The following ITGB4 variants were observed in gnomAD, a reference collection of about 807,000 sequenced individuals.
ITGB4 encodes the protein integrin subunit beta 4, also known as integrin beta-4.
In ITGB4, 159 loss-of-function variants were observed where a neutral mutation model predicts 207.6. The ratio of observed to expected loss-of-function variants is 0.77; its 90% CI spans 0.67 to 0.87. ITGB4 has a LOEUF of 0.87. Ranked by LOEUF, ITGB4 falls within the 40% of genes least tolerant of loss-of-function variation. ITGB4 has a pLI of 0.00. For synonymous variants in ITGB4, 1,020 were observed against 1,062.7 expected (o/e 0.96, Z 0.78); for missense variants, 2,278 against 2,546.8 (o/e 0.89, Z 2.27).
In ITGB4 at chr17:75,730,401, G is replaced by A. The variant is rs1382250690; in HGVS notation, c.899G>A (p.Arg300Lys). The change falls in exon 8 of 40, where the codon AGG becomes AAG. Residue 300 changes from arginine (R) to lysine (K), a missense_variant. Coordinates refer to ENST00000200181, the MANE Select transcript of ITGB4 (RefSeq NM_000213.5). ...ACCACGGGCACCTACACCCAGTACA[G>A]GACACAGGACTACCCGTCGGTGCCC... ...LDTTGTYTQY[R>K]TQDYPSVPTL... 1 of 1,614,040 alleles carries A rather than the reference G, an allele frequency of 6.2e-7. No individual in the cohort carries two copies. The highest frequency in any genetic ancestry group is 1.7e-5 in the Admixed American group (1 of 60,024).
At chr17:75,753,642 C>A (rs2061418752) in intron 32 of ITGB4, 123 bp from the exon 33 acceptor site, 3 of 602,552 alleles carry the variant, frequency 5.0e-6, no homozygotes, top group Non-Finnish European at 7.3e-6. Flanking sequence ...CCCCAACACA[C>A]ACCCCGGGAT....
chr17:75,728,520 G>A, intron 6 of ITGB4, 47 bp downstream of exon 6: 1 of 1,416,234 alleles, frequency 7.1e-7, no homozygotes, highest in Non-Finnish European at 1.0e-6. Context: ...TCCAGGCCAT[G>A]TGACCCCCAC....
chr17:75,754,710 T>C lies in ITGB4; in HGVS notation c.4453T>C (p.Ser1485Pro), dbSNP rs1568383633. The change falls in exon 34 of 40, where the codon TCC becomes CCC. Residue 1485 changes from serine to proline, a missense_variant. Transcript: ENST00000200181. ...CGTGCCCCACCGCGTGCTAAGCACATCCTCCACCCTCACACGGGACTACAA... is the reference window on the plus strand; with the variant it reads ...CGTGCCCCACCGCGTGCTAAGCACACCCTCCACCCTCACACGGGACTACAA... ...PHVPHRVLST[S>P]STLTRDYNSL... 2 of 1,614,006 alleles carry C rather than the reference T, an allele frequency of 1.2e-6. No homozygotes were observed. The highest frequency in any genetic ancestry group is 1.7e-6 in the Non-Finnish European group (2 of 1,179,982).
chr17:75,743,930 G>C (rs993483080), intron 26 of ITGB4, 69 bp downstream of exon 26: 22 of 1,500,954 alleles, frequency 1.5e-5, no homozygotes, highest in Non-Finnish European at 1.8e-5. Flanking sequence ...GGGTTCCCAA[G>C]ACAAAGCAGC....
chr17:75,755,347 C>G (rs2603501), intron 34 of ITGB4: 13 of 947,394 alleles, frequency 1.4e-5, no homozygotes, highest in Non-Finnish European at 2.0e-5. Context: ...CCCACAGGCG[C>G]TAACCACCTG....
In ITGB4 at chr17:75,728,379, C is replaced by T. The variant is rs1201385784; in HGVS notation, c.472C>T (p.Arg158Trp). Residue 158 changes from arginine to tryptophan, a missense_variant and splice_region_variant, in exon 6 of 40, where the codon CGG becomes TGG. By Grantham distance (101) the Arg-to-Trp change is moderately radical. Coordinates refer to ENST00000200181, the MANE Select transcript of ITGB4 (RefSeq NM_000213.5). Reference sequence around the variant, plus strand: ...CTCTCTGTCCTTTTGACATCCAGCTCGGGTCCTGAGCCAGCTCACCAGCGA... The same window carrying T: ...CTCTCTGTCCTTTTGACATCCAGCTTGGGTCCTGAGCCAGCTCACCAGCGA... Reference protein sequence around the residue: ...NLKKMGQNLARVLSQLTSDYT... With the variant: ...NLKKMGQNLAWVLSQLTSDYT... The T allele has an allele frequency of 4.3e-6, 7 of 1,613,788 alleles. No individual in the cohort carries two copies. The highest frequency in any genetic ancestry group is 1.7e-6 in the Non-Finnish European group (2 of 1,179,874).
At position 75,731,063 on chromosome 17, in the gene ITGB4, G is replaced by A. The variant is rs192049370; in HGVS notation, c.1092+99G>A. On this transcript the variant is annotated intron_variant, in intron 9 of 39. Coordinates refer to ENST00000200181, the MANE Select transcript of ITGB4 (RefSeq NM_000213.5). This position sits in a 1 kb window ranked among gnomAD's most constrained non-coding sequence, Gnocchi z 6.8. ...TGTCTTGGATCACGGTGGAGAAATG[G>A]GTCTGGGACAGACCAGTGAGGAAGG... 7.0e-7 allele frequency: 1 copy of A among 1,418,592 alleles called. No individual in the cohort carries two copies. 87.9% of individuals were successfully genotyped at this position (1,418,592 alleles called of 1,614,324 possible).
chr17:75,723,632 G>A (rs1012970557), intron 1 of ITGB4, among the ~76,000 whole-genome samples: 5 of 152,240 alleles, frequency 3.3e-5, no homozygotes, highest in African/African-American at 1.2e-4. Flanking sequence ...AGCAGGCTAC[G>A]CCTTCCTGCC....
rs535466278 is a variant in ITGB4 at position 75,750,308 on chromosome 17, G to C, written c.3474+40G>C. 1 of 1,574,910 alleles carries C rather than the reference G, an allele frequency of 6.3e-7. No individual in the cohort carries two copies. The highest frequency in any genetic ancestry group is 1.3e-5 in the African/African-American group (1 of 74,254). On this transcript the variant is annotated intron_variant, in intron 28 of 39. Transcript: ENST00000200181. The surrounding 1 kb of genome is among the most constrained non-coding windows in gnomAD (Gnocchi z 5.5). Reference sequence around the variant, plus strand: ...TGAGGGTCACGACAGGTGGATGGGCGGTCTGGCACCAGCACTCACAGAAGA... The same window carrying C: ...TGAGGGTCACGACAGGTGGATGGGCCGTCTGGCACCAGCACTCACAGAAGA...
intron 14 of ITGB4, 60 bp from the exon 15 acceptor site, chr17:75,736,228 G>A (rs1452417744): frequency 2.5e-6 from 4 of 1,603,546 alleles, no homozygotes; most frequent in Admixed American, 3.3e-5. Flanking sequence ...TATGGAGAGA[G>A]GAGAGGGAGC....
At position 75,750,293 on chromosome 17, in the gene ITGB4, G is replaced by A. The variant is rs373800385; in HGVS notation, c.3474+25G>A. 23 of 1,590,938 alleles carry A rather than the reference G, an allele frequency of 1.4e-5. No individual in the cohort carries two copies. The Admixed American group carries it at 1.5e-4, about 11-fold the overall frequency. On this transcript the variant is annotated intron_variant, in intron 28 of 39. Coordinates refer to ENST00000200181, the MANE Select transcript of ITGB4 (RefSeq NM_000213.5). The surrounding 1 kb of genome is among the most constrained non-coding windows in gnomAD (Gnocchi z 5.5). ...GGTAAGGCGGGGGGCTGAGGGTCAC[G>A]ACAGGTGGATGGGCGGTCTGGCACC...
intron 25 of ITGB4, among the ~76,000 whole-genome samples, 173 bp from the exon 26 acceptor site, chr17:75,743,540 T>A (rs2061164576): frequency 1.3e-5 from 2 of 152,078 alleles, no homozygotes; most frequent in African/African-American, 4.8e-5. Flanking sequence ...GCCCCTCATC[T>A]TTTTCTGGAA....
chr17:75,723,517 C>T (rs2060658232), intron 1 of ITGB4, among the ~76,000 whole-genome samples: 1 of 152,246 alleles, frequency 6.6e-6, no homozygotes, highest in Non-Finnish European at 1.5e-5. Context: ...CTGTCCCCAC[C>T]CTTTCCCTGC....
chr17:75,751,486 T>TTTA (rs1224413764), intron 30 of ITGB4: 4 of 323,534 alleles, frequency 1.2e-5, no homozygotes, highest in African/African-American at 8.5e-5. Flanking sequence ...CAGATAGCAC[T>TTTA]TTAAAAGATT....
chr17:75,739,624 G>A lies in ITGB4; in HGVS notation c.2221-48G>A, dbSNP rs767232371. 3.7e-6 allele frequency: 6 copies of A among 1,612,614 alleles called. No individual in the cohort carries two copies. The East Asian group carries it at 1.1e-4, about 30-fold the overall frequency. On this transcript the variant is annotated intron_variant, in intron 18 of 39. Coordinates refer to ENST00000200181, the MANE Select transcript of ITGB4 (RefSeq NM_000213.5). This position sits in a 1 kb window ranked among gnomAD's most constrained non-coding sequence, Gnocchi z 5.4. ...GGGGTGGCTGGAAGGGCTTACCTGG[G>A]CCAGGGCAGCTGTCTCAGGCCTCAC...
chr17:75,755,763 C>T lies in ITGB4; in HGVS notation c.4621C>T (p.Pro1541Ser). Residue 1541 changes from proline (P) to serine (S), a missense_variant, in exon 35 of 40, where the codon CCC (proline) becomes TCC (serine). Transcript: ENST00000200181. Reference sequence around the variant, plus strand: ...CCGCCTGGTGTTCTCTGCCCTGGGGCCCACATCTCTCAGAGTGAGCTGGCA... The same window carrying T: ...CCGCCTGGTGTTCTCTGCCCTGGGGTCCACATCTCTCAGAGTGAGCTGGCA... ...PTRLVFSALG[P>S]TSLRVSWQEP... 2.5e-6 allele frequency: 4 copies of T among 1,612,802 alleles called. No homozygotes were observed. Among genetic ancestry groups the T allele is most frequent in the Non-Finnish European group, 3.4e-6 (4 of 1,179,968 alleles).
At chr17:75,726,505 G>A (rs946475503) in intron 2 of ITGB4, among the ~76,000 whole-genome samples, 1 of 152,124 alleles carries the variant, frequency 6.6e-6, no homozygotes, top group Non-Finnish European at 1.5e-5. Context: ...GCTGAGGCGG[G>A]CAGATGATTT....
At chr17:75,754,910 A>G in intron 34 of ITGB4, 95 bp downstream of exon 34, 1 of 1,574,276 alleles carries the variant, frequency 6.4e-7, no homozygotes, top group Non-Finnish European at 8.7e-7. Context: ...CCCACCGCCC[A>G]TTCTCCAACA....
chr17:75,754,530 G>C (rs572186171), intron 33 of ITGB4, 46 bp from the exon 34 acceptor site: 3 of 1,611,702 alleles, frequency 1.9e-6, no homozygotes, highest in Non-Finnish European at 2.5e-6. Flanking sequence ...CACGGGGCCC[G>C]GGTCTGGGGC....
Sources: allele counts gnomAD v4.1 joint callset (sites outside exome capture counted in the v4.1 genomes callset), GRCh38; gene constraint gnomAD v4.1.1; non-coding constraint Gnocchi (gnomAD v3.1); transcripts MANE v1.5; gene names NCBI Gene and HGNC (gene_info 2026-07-23, HGNC 2026-07-21).